The following RAMAC variants were observed in gnomAD, a reference collection of about 807,000 sequenced individuals.
RAMAC encodes the protein RNA guanine-7 methyltransferase activating subunit.
In RAMAC, 11 loss-of-function variants were observed where a neutral mutation model predicts 17.9. That is an observed-to-expected ratio of 0.61 (90% CI 0.39 to 1.02). RAMAC has a LOEUF of 1.02. Ranked by LOEUF, RAMAC falls within the 50% of genes least tolerant of loss-of-function variation. The probability of loss-of-function intolerance (pLI) is 0.01; values close to 1 mark genes in which losing one functional copy is unlikely to be tolerated. For synonymous variants in RAMAC, 27 were observed against 48.4 expected (o/e 0.56, Z 1.84); for missense variants, 109 against 144.0 (o/e 0.76, Z 1.25).
At chr15:82,987,308 A>C (rs1219157923) in intron 1 of RAMAC, 28 bp from the exon 2 acceptor site, 1 of 152,194 alleles carries the variant, frequency 6.6e-6, no homozygotes, top group African/African-American at 2.4e-5. Flanking sequence ...CCTTAAATAA[A>C]GTCAAGTTTG....
At position 82,989,088 on chromosome 15, in the gene RAMAC, A is replaced by G. The variant is rs1419752965; in HGVS notation, c.70A>G (p.Lys24Glu). The change falls in exon 3 of 4, where the codon AAG becomes GAG. Residue 24 changes from lysine to glutamate, a missense_variant. Transcript: ENST00000304191. ...MFASRFTEND[K>E]EYQEYLKRPP... The stretch of plus-strand genomic sequence containing the variant: ...TGCTAGTAGATTCACAGAAAATGAC[A>G]AGGAGTATCAGGAATACCTGAAACG... 2 of 1,613,928 alleles carry G rather than the reference A, an allele frequency of 1.2e-6. No individual in the cohort carries two copies. Among genetic ancestry groups the G allele is most frequent in the East Asian group, 4.5e-5 (2 of 44,876 alleles).
intron 1 of RAMAC, among the ~76,000 whole-genome samples, 158 bp downstream of exon 1, chr15:82,986,527 G>T (rs1472049681): frequency 6.6e-6 from 1 of 152,206 alleles, no homozygotes; most frequent in Non-Finnish European, 1.5e-5. Context: ...GAGGTATAAG[G>T]TGCTTCGGAA....
chr15:82,989,303 G>T, intron 3 of RAMAC, 115 bp downstream of exon 3: 2 of 916,126 alleles, frequency 2.2e-6, no homozygotes, highest in Non-Finnish European at 3.2e-6. Context: ...GGCATACCTA[G>T]TACCTAATAA....
At chr15:82,988,806 C>A in intron 2 of RAMAC, 1 of 505,450 alleles carries the variant, frequency 2.0e-6, no homozygotes, top group Non-Finnish European at 3.5e-6. Context: ...TGTGCTCCAG[C>A]CTGGGTGACA....
chr15:82,990,197 C>CTT lies in RAMAC; in HGVS notation c.*132_*133dup. On this transcript the variant is annotated 3_prime_UTR_variant, in exon 4 of 4. Transcript: ENST00000304191. The stretch of plus-strand genomic sequence containing the variant: ...ATTATTGATTTTTTGGAAGTTGAGA[C>CTT]TTTAAAAAAAATAGATCTTACTTGC... 1 of 389,734 alleles carries CTT rather than the reference C, an allele frequency of 2.6e-6. No individual in the cohort carries two copies. The highest frequency in any genetic ancestry group is 3.5e-5 in the East Asian group (1 of 28,384). 24.1% of individuals were successfully genotyped at this position (389,734 alleles called of 1,614,324 possible).
chr15:82,989,761 ATG>A, intron 3 of RAMAC, 118 bp from the exon 4 acceptor site: 1 of 1,258,936 alleles, frequency 7.9e-7, no homozygotes, highest in Non-Finnish European at 1.1e-6. Flanking sequence ...ATTGTGAAAA[ATG>A]TTTTTTAGTC....
chr15:82,990,354 T>G lies in RAMAC; in HGVS notation c.*287T>G, dbSNP rs543329557. The G allele has an allele frequency of 4.6e-4, 128 of 281,162 alleles. No homozygotes were observed. Among genetic ancestry groups the G allele is most frequent in the East Asian group, 3.7e-3 (78 of 21,072 alleles). The allele number at this position is 281,162 out of a possible 1,614,324, so 17.4% of individuals were successfully genotyped here. On this transcript the variant is annotated 3_prime_UTR_variant, in exon 4 of 4. Coordinates refer to ENST00000304191, the MANE Select transcript of RAMAC (RefSeq NM_031452.4). ...TATTATTTGACCTCTAGGAATTCTT[T>G]GTTTTACACAGAAATAAAAATTTTA...
intron 2 of RAMAC, chr15:82,988,756 C>A (rs1271881265): frequency 2.1e-6 from 1 of 471,228 alleles, no homozygotes; most frequent in South Asian, 1.8e-5. Flanking sequence ...ATTGTTTGAG[C>A]CAGGGAAGTC....
intron 2 of RAMAC, 121 bp from the exon 3 acceptor site, chr15:82,988,889 G>C: frequency 1.2e-6 from 1 of 813,300 alleles, no homozygotes; most frequent in Non-Finnish European, 1.9e-6. Context: ...ATGTCTGAAA[G>C]CACACAAAGA....
At position 82,986,236 on chromosome 15, in the gene RAMAC, G is replaced by C. The variant is rs546305021; in HGVS notation, c.-192G>C. 31 of 359,282 alleles carry C rather than the reference G, an allele frequency of 8.6e-5. No individual in the cohort carries two copies. The highest frequency in any genetic ancestry group is 6.0e-4 in the African/African-American group (27 of 45,250). 22.3% of individuals were successfully genotyped at this position (359,282 alleles called of 1,614,324 possible). A position where few individuals can be genotyped will look rare whatever the true frequency, so the allele number is the denominator to read the frequency against. On this transcript the variant is annotated 5_prime_UTR_variant, in exon 1 of 4. Transcript: ENST00000304191. ...GGTGGTTGTCGGATTTTAGAGGAAG[G>C]CGCTCGGTTACATTGGAGAACTGGA...
In RAMAC at chr15:82,990,731, T is replaced by A. The variant is rs2030822550; in HGVS notation, c.*664T>A. The A allele has an allele frequency of 3.2e-6, 4 of 1,237,874 alleles. No individual in the cohort carries two copies. Among genetic ancestry groups the A allele is most frequent in the Non-Finnish European group, 4.6e-6 (4 of 865,462 alleles). The allele number at this position is 1,237,874 out of a possible 1,614,324, so 76.7% of individuals were successfully genotyped here. A position where few individuals can be genotyped will look rare whatever the true frequency, so the allele number is the denominator to read the frequency against. On this transcript the variant is annotated 3_prime_UTR_variant, in exon 4 of 4. Transcript: ENST00000304191. ...GGTTGGGATAAGGGTACACATCATT[T>A]TATACAAACACTAAAGCTTTTTGCT...
chr15:82,989,028 A>G lies in RAMAC; in HGVS notation c.10A>G (p.Thr4Ala), dbSNP rs1040472415. MTD[T>A]AEAVPKFEEM... is the part of the protein sequence containing the mutation. Reference sequence around the variant, plus strand: ...TGTACAGATTTTCAGAATGACTGACACTGCCGAAGCTGTTCCAAAGTTTGA... The same window carrying G: ...TGTACAGATTTTCAGAATGACTGACGCTGCCGAAGCTGTTCCAAAGTTTGA... The change falls in exon 3 of 4, where the codon ACT becomes GCT. Residue 4 changes from threonine to alanine, a missense_variant. Thr to Ala is a moderately conservative substitution (Grantham distance 58, BLOSUM62 0). Transcript: ENST00000304191. 1.9e-6 allele frequency: 3 copies of G among 1,607,524 alleles called. No individual in the cohort carries two copies. The highest frequency in any genetic ancestry group is 2.2e-5 in the South Asian group (2 of 89,546).
intron 2 of RAMAC, 71 bp from the exon 3 acceptor site, chr15:82,988,939 G>A: frequency 1.4e-6 from 2 of 1,446,758 alleles, no homozygotes; most frequent in Middle Eastern, 1.8e-4. Context: ...TTACTTCTTG[G>A]TTTTTCATTA....
At chr15:82,988,509 G>C (rs2030720338) in intron 2 of RAMAC, 1 of 229,302 alleles carries the variant, frequency 4.4e-6, no homozygotes, top group African/African-American at 2.4e-5. Context: ...ACATCTTTTT[G>C]TCCCAAACCT....
In RAMAC at chr15:82,989,898, A is replaced by C. The variant is rs758376783; in HGVS notation, c.188A>C (p.Gln63Pro). Residue 63 changes from glutamine to proline, a missense_variant, in exon 4 of 4, where the codon CAG (glutamine) becomes CCG (proline). Physicochemically the swap from Gln to Pro is moderately conservative, Grantham distance 76. Coordinates refer to ENST00000304191, the MANE Select transcript of RAMAC (RefSeq NM_031452.4). ...NRGNRLQDNRQFRGRDNRWGW... is the reference protein window; with the variant it reads ...NRGNRLQDNRPFRGRDNRWGW... ...TGTTGTAGGTTGCAAGACAACAGAC[A>C]GTTCAGAGGCAGGGACAACAGATGG... 5 of 1,612,400 alleles carry C rather than the reference A, an allele frequency of 3.1e-6. No homozygotes were observed. In the African/African-American group the frequency reaches 4.0e-5, roughly 13 times the overall value.
At chr15:82,986,580 G>A (rs2030621114) in intron 1 of RAMAC, among the ~76,000 whole-genome samples, 3 of 152,216 alleles carry the variant, frequency 2.0e-5, no homozygotes, top group Admixed American at 2.0e-4. Context: ...GCTGTGATGT[G>A]CCTTGAGGAC....
chr15:82,988,614 G>A (rs1234170055), intron 2 of RAMAC: 1 of 372,492 alleles, frequency 2.7e-6, no homozygotes, highest in African/African-American at 2.2e-5. Context: ...AAGGCAGGAG[G>A]ATCACCGAAG....
intron 2 of RAMAC, chr15:82,988,648 C>A (rs573604585): frequency 4.7e-5 from 20 of 428,246 alleles, no homozygotes; most frequent in South Asian, 3.2e-4. Context: ...GCCTAGGCAA[C>A]ATGGCGAGAT....
At position 82,990,521 on chromosome 15, in the gene RAMAC, C is replaced by T; in HGVS notation, c.*454C>T. On this transcript the variant is annotated 3_prime_UTR_variant, in exon 4 of 4. Coordinates refer to ENST00000304191, the MANE Select transcript of RAMAC (RefSeq NM_031452.4). The stretch of plus-strand genomic sequence containing the variant: ...TGTGATAGATTGTACATAACATCAG[C>T]AGTTGAAAGGTAAAACAATTGCTTT... The T allele has an allele frequency of 1.4e-6, 1 of 715,864 alleles. No homozygotes were observed. Among genetic ancestry groups the T allele is most frequent in the South Asian group, 1.9e-5 (1 of 53,036 alleles). The allele number at this position is 715,864 out of a possible 1,614,324, so 44.3% of individuals were successfully genotyped here.
Sources: gnomAD v4.1 joint callset for allele counts (sites outside exome capture counted in the v4.1 genomes callset) on GRCh38, gnomAD v4.1.1 for gene constraint, MANE v1.5 for transcripts, NCBI Gene and HGNC (gene_info 2026-07-23, HGNC 2026-07-21) for gene names.